Variants in ZNF385D observed in about 807,000 individuals in gnomAD.
ZNF385D encodes zinc finger protein 659.
In ZNF385D, 15 loss-of-function variants were observed where a neutral mutation model predicts 35.8. The observed-to-expected ratio is 0.42, with a 90% CI of 0.28 to 0.64. The LOEUF is 0.64. Ranked by LOEUF, ZNF385D falls within the 30% of genes least tolerant of loss-of-function variation. The pLI, the probability that ZNF385D is intolerant of heterozygous loss-of-function variation, is 0.23. For missense variants in ZNF385D, 474 were observed against 494.6 expected, an observed-to-expected ratio of 0.96 and a Z score of 0.39; for synonymous variants, 212 against 186.8, an observed-to-expected ratio of 1.13 and a Z score of -1.10.
At chr3:21,691,902 T>G (rs1161586667) in intron 1 of ZNF385D, among the ~76,000 whole-genome samples, 2 of 152,156 alleles carry the variant, frequency 1.3e-5, no homozygotes, top group Non-Finnish European at 2.9e-5. Flanking sequence ...CCTCCCCCAG[T>G]CCCTGGTAAC....
intron 3 of ZNF385D, among the ~76,000 whole-genome samples, chr3:21,847,622 T>C (rs1696094465): frequency 1.3e-5 from 2 of 152,054 alleles, no homozygotes; most frequent in South Asian, 4.1e-4. Context: ...CCTTTGGGTG[T>C]GTCTGTGTGC....
chr3:21,862,492 A>G (rs1044128488), intron 3 of ZNF385D, among the ~76,000 whole-genome samples: 3 of 152,146 alleles, frequency 2.0e-5, no homozygotes, highest in East Asian at 1.9e-4. Context: ...ATTCCTGGCC[A>G]TGGATTTGCC....
intron 3 of ZNF385D, among the ~76,000 whole-genome samples, chr3:22,100,927 T>C (rs1002120850): frequency 4.4e-4 from 67 of 151,892 alleles, no homozygotes; most frequent in African/African-American, 1.5e-3. Flanking sequence ...TTTAGAAATA[T>C]ATAAAATAGT....
intron 3 of ZNF385D, among the ~76,000 whole-genome samples, chr3:22,114,398 A>G (rs1342610365): frequency 2.0e-5 from 3 of 152,140 alleles, no homozygotes; most frequent in African/African-American, 7.2e-5. Flanking sequence ...CCATTTGTTC[A>G]TCATTTAACC....
At chr3:21,813,775 T>A (rs2073034254) in intron 3 of ZNF385D, among the ~76,000 whole-genome samples, 1 of 152,058 alleles carries the variant, frequency 6.6e-6, no homozygotes, top group Non-Finnish European at 1.5e-5. Context: ...TGGAAAACAG[T>A]CTGCAGGATA....
At chr3:22,229,852 T>G (rs1273143574) in intron 2 of ZNF385D, among the ~76,000 whole-genome samples, 1 of 152,166 alleles carries the variant, frequency 6.6e-6, no homozygotes, top group African/African-American at 2.4e-5. Context: ...CCTTTTACAG[T>G]CACCATTGGT....
intron 2 of ZNF385D, among the ~76,000 whole-genome samples, chr3:21,573,934 C>T (rs769647508): frequency 6.6e-6 from 1 of 151,600 alleles, no homozygotes; most frequent in Non-Finnish European, 1.5e-5. Context: ...GTGGCGGGCG[C>T]TTGTAATCCC....
intron 5 of ZNF385D, among the ~76,000 whole-genome samples, chr3:21,432,138 TCTTTGTGCTTCAA>T (rs1452058937): frequency 6.6e-6 from 1 of 152,168 alleles, no homozygotes; most frequent in Non-Finnish European, 1.5e-5. Context: ...AGCTTAGGTT[TCTTTGTGCTTCAA>T]TGTCCTCATT....
intron 2 of ZNF385D, among the ~76,000 whole-genome samples, chr3:22,230,472 A>G (rs1432643283): frequency 2.0e-5 from 3 of 152,002 alleles, no homozygotes; most frequent in Non-Finnish European, 2.9e-5. Flanking sequence ...GGGGGATTCC[A>G]TCTGTTCTTT....
At chr3:22,075,414 G>A (rs1700414768) in intron 3 of ZNF385D, among the ~76,000 whole-genome samples, 1 of 151,740 alleles carries the variant, frequency 6.6e-6, no homozygotes, top group African/African-American at 2.4e-5. Context: ...CATTGAAAAT[G>A]CTCCTGCAAA....
chr3:21,717,725 C>G (rs1301488721), intron 1 of ZNF385D, among the ~76,000 whole-genome samples: 1 of 152,188 alleles, frequency 6.6e-6, no homozygotes, highest in East Asian at 1.9e-4. Flanking sequence ...AAAGGGAAAC[C>G]CCTTTCACTT....
chr3:22,177,467 G>T (rs920603542), intron 2 of ZNF385D, among the ~76,000 whole-genome samples: 1 of 152,134 alleles, frequency 6.6e-6, no homozygotes, highest in Non-Finnish European at 1.5e-5. Context: ...TTAAGTACCT[G>T]CCATGTGCTA....
At chr3:22,283,102 AATG>A (rs1413509896) in intron 2 of ZNF385D, among the ~76,000 whole-genome samples, 1 of 152,102 alleles carries the variant, frequency 6.6e-6, no homozygotes, top group Non-Finnish European at 1.5e-5. Flanking sequence ...ACCTTATATA[AATG>A]ATAAAGGACT....
Position 21,920,310 on chromosome 3 carries a change from T to C in ZNF385D, c.325+248507A>G, listed in dbSNP as rs573073184. Among the ~76,000 whole-genome samples the C allele has an allele frequency of 3.0e-4, 45 of 152,264 alleles. 1 individual carries two copies. The South Asian group carries it at 9.3e-3, about 32-fold the overall frequency. On this transcript the variant is annotated intron_variant, in intron 3 of 5. Transcript: ENST00000494108. The stretch of plus-strand genomic sequence containing the variant: ...AGACGCAGTGCTTCAAACACAGTTG[T>C]GTATGATAAATATTTTTGAAGGAAA...
intron 1 of ZNF385D, among the ~76,000 whole-genome samples, chr3:21,710,478 T>C (rs1056486886): frequency 1.3e-5 from 2 of 152,224 alleles, no homozygotes; most frequent in African/African-American, 4.8e-5. Flanking sequence ...GGCTTCTTTT[T>C]GTGTTTTTCA....
chr3:21,950,784 C>A (rs758182862), intron 3 of ZNF385D, among the ~76,000 whole-genome samples: 3 of 151,786 alleles, frequency 2.0e-5, no homozygotes, highest in Non-Finnish European at 2.9e-5. Context: ...GTTTTCCCAA[C>A]ACCACTTATT....
At position 21,771,064 on chromosome 3, in the gene ZNF385D, G is replaced by A. The variant is rs539763253; in HGVS notation, c.326-106036C>T. On this transcript the variant is annotated intron_variant, in intron 3 of 5. Coordinates refer to the ZNF385D transcript ENST00000494108. The stretch of plus-strand genomic sequence containing the variant: ...ATGAAAACACTTGGACACAGGAAGG[G>A]GAACATCACACACTGGGGCCTGTTG... Among the ~76,000 whole-genome samples, 4 of 147,726 alleles carry A rather than the reference G, an allele frequency of 2.7e-5. No individual in the cohort carries two copies. In the South Asian group the frequency reaches 8.8e-4, roughly 33 times the overall value.
intron 6 of ZNF385D, 87 bp from the exon 7 acceptor site, chr3:21,424,151 T>C (rs907760507): frequency 4.2e-6 from 5 of 1,178,658 alleles, no homozygotes; most frequent in South Asian, 1.6e-5. Flanking sequence ...GAGAAAGATA[T>C]TCATTATTTC....
intron 3 of ZNF385D, among the ~76,000 whole-genome samples, chr3:21,760,489 G>A (rs772251546): frequency 3.9e-5 from 6 of 152,168 alleles, no homozygotes; most frequent in African/African-American, 9.7e-5. Context: ...GCAGTGGGAC[G>A]TTATTACTGC....
Sources: allele counts gnomAD v4.1 joint callset (sites outside exome capture counted in the v4.1 genomes callset), GRCh38; gene constraint gnomAD v4.1.1; transcripts MANE v1.5; gene names NCBI Gene and HGNC (gene_info 2026-07-23, HGNC 2026-07-21).